The following DPP6 variants were observed in gnomAD, a reference collection of about 807,000 sequenced individuals.
DPP6 encodes the protein A-type potassium channel modulatory protein DPP6.
DPP6 carries 69 observed loss-of-function variants against 122.6 expected under a neutral mutation model. That is an observed-to-expected ratio of 0.56 (90% CI 0.46 to 0.69). The LOEUF (loss-of-function observed/expected upper bound fraction) is 0.69, where lower values mean the gene tolerates loss of function less well. Ranked by LOEUF, DPP6 falls within the 30% of genes least tolerant of loss-of-function variation. DPP6 has a pLI of 0.00. For synonymous variants in DPP6, 418 were observed against 433.1 expected (o/e 0.97, Z 0.43); for missense variants, 928 against 1,116.9 (o/e 0.83, Z 2.41).
intron 1 of DPP6, among the ~76,000 whole-genome samples, chr7:154,231,799 G>A (rs902665746): frequency 4.6e-5 from 7 of 152,186 alleles, no homozygotes; most frequent in African/African-American, 9.7e-5. Context: ...CCACCACTGC[G>A]GGCTTCCCCC....
At chr7:154,838,018 G>A (rs1051205297) in intron 16 of DPP6, among the ~76,000 whole-genome samples, 8 of 152,122 alleles carry the variant, frequency 5.3e-5, no homozygotes, top group African/African-American at 1.7e-4. Context: ...TAAAAACTGA[G>A]TAGGCAGCGT....
At chr7:154,344,887 C>G (rs1022749381) in intron 1 of DPP6, among the ~76,000 whole-genome samples, 1 of 152,018 alleles carries the variant, frequency 6.6e-6, no homozygotes, top group Admixed American at 6.6e-5. Flanking sequence ...AACTCCATCT[C>G]AACAAAAAAT....
intron 1 of DPP6, among the ~76,000 whole-genome samples, chr7:154,035,547 T>C (rs961349135): frequency 1.3e-5 from 2 of 152,084 alleles, no homozygotes; most frequent in African/African-American, 4.8e-5. Context: ...GTAATGGCAG[T>C]GGTAGAACCA....
At chr7:154,237,476 A>T (rs934056947) in intron 1 of DPP6, among the ~76,000 whole-genome samples, 1 of 152,158 alleles carries the variant, frequency 6.6e-6, no homozygotes, top group Admixed American at 6.5e-5. Context: ...CTGGGCCCCA[A>T]TGAGCTTAGA....
At chr7:154,815,414 C>A (rs898035360) in intron 16 of DPP6, among the ~76,000 whole-genome samples, 1 of 152,234 alleles carries the variant, frequency 6.6e-6, no homozygotes, top group Non-Finnish European at 1.5e-5. Context: ...AGCCACTGAA[C>A]AACAGAATCG....
At chr7:154,473,208 A>G (rs1214829534) in intron 2 of DPP6, among the ~76,000 whole-genome samples, 2 of 152,230 alleles carry the variant, frequency 1.3e-5, no homozygotes, top group East Asian at 1.9e-4. Flanking sequence ...TTATTAGATT[A>G]ATGTCTAGTA....
In DPP6 at chr7:154,585,426, A is replaced by G. The variant is rs1489992908; in HGVS notation, c.627+18510A>G. On this transcript the variant is annotated intron_variant, in intron 5 of 25. Coordinates refer to ENST00000377770, the MANE Select transcript of DPP6 (RefSeq NM_130797.4). Reference sequence around the variant, plus strand: ...GCCCACCCTTAGAAAGTCTGATGAGACAGAGAAGAATGACTTGCGAGGATC... The same window carrying G: ...GCCCACCCTTAGAAAGTCTGATGAGGCAGAGAAGAATGACTTGCGAGGATC... Among the ~76,000 whole-genome samples, 3 of 152,208 alleles carry G rather than the reference A, an allele frequency of 2.0e-5. No individual in the cohort carries two copies. In the East Asian group the frequency reaches 5.8e-4, roughly 29 times the overall value.
chr7:154,548,351 T>C (rs950370242), intron 4 of DPP6, among the ~76,000 whole-genome samples: 2 of 150,864 alleles, frequency 1.3e-5, no homozygotes. Context: ...GATCACAAGG[T>C]TTAGGAGCTT....
chr7:154,329,380 G>C (rs1008989430), intron 1 of DPP6, among the ~76,000 whole-genome samples: 2 of 152,204 alleles, frequency 1.3e-5, no homozygotes, highest in Non-Finnish European at 2.9e-5. Flanking sequence ...ATATCTGTTG[G>C]CTGCATAAAT....
intron 1 of DPP6, among the ~76,000 whole-genome samples, chr7:153,937,386 C>T (rs1009617091): frequency 1.3e-5 from 2 of 150,758 alleles, no homozygotes; most frequent in Non-Finnish European, 3.0e-5. Flanking sequence ...AGAAAGAACA[C>T]CTCCTTTCTT....
the DPP6 span, among the ~76,000 whole-genome samples, chr7:153,811,871 C>G: frequency 6.6e-6 from 1 of 152,092 alleles, no homozygotes; most frequent in Admixed American, 6.6e-5. Flanking sequence ...GATTTTATAG[C>G]ATCTTCCAGT....
At chr7:153,802,110 G>C in the DPP6 span, among the ~76,000 whole-genome samples, 2 of 152,146 alleles carry the variant, frequency 1.3e-5, no homozygotes, top group African/African-American at 2.4e-5. Flanking sequence ...AGAAAGTTTC[G>C]GTCAGGAGCA....
chr7:154,249,696 G>A (rs1802225351), intron 1 of DPP6, among the ~76,000 whole-genome samples: 1 of 152,084 alleles, frequency 6.6e-6, no homozygotes, highest in African/African-American at 2.4e-5. Flanking sequence ...TTGAGAATGT[G>A]TACAATGCCA....
intron 16 of DPP6, among the ~76,000 whole-genome samples, chr7:154,849,378 A>G (rs1293318128): frequency 6.6e-6 from 1 of 152,152 alleles, no homozygotes; most frequent in Non-Finnish European, 1.5e-5. Flanking sequence ...AGTATTCAGT[A>G]TACATATTTT....
chr7:154,349,791 C>T (rs1810699412), intron 1 of DPP6, among the ~76,000 whole-genome samples: 1 of 152,130 alleles, frequency 6.6e-6, no homozygotes, highest in African/African-American at 2.4e-5. Context: ...AAAGATTCTT[C>T]CTTCTCAGTA....
chr7:154,351,405 C>T (rs986339853), intron 1 of DPP6, among the ~76,000 whole-genome samples: 2 of 152,156 alleles, frequency 1.3e-5, no homozygotes, highest in Admixed American at 6.5e-5. Flanking sequence ...GCCTTGGTCT[C>T]CAGCTCAGAA....
intron 5 of DPP6, among the ~76,000 whole-genome samples, chr7:154,597,419 C>G (rs185721248): frequency 1.4e-3 from 213 of 152,028 alleles, no homozygotes; most frequent in Non-Finnish European, 2.4e-3. Context: ...CTGGCTAACA[C>G]AGTGAAACCC....
intron 1 of DPP6, among the ~76,000 whole-genome samples, chr7:153,934,712 C>T (rs1176961349): frequency 6.6e-6 from 1 of 152,164 alleles, no homozygotes; most frequent in South Asian, 2.1e-4. Context: ...GTTTCTAGGA[C>T]CACAGAGACA....
At chr7:153,940,233 A>G (rs1439719917) in intron 1 of DPP6, among the ~76,000 whole-genome samples, 1 of 152,202 alleles carries the variant, frequency 6.6e-6, no homozygotes, top group African/African-American at 2.4e-5. Context: ...TAGCCATGAC[A>G]GCACTTCCTT....
Sources: allele counts gnomAD v4.1 joint callset (sites outside exome capture counted in the v4.1 genomes callset), GRCh38; gene constraint gnomAD v4.1.1; transcripts MANE v1.5; gene names NCBI Gene and HGNC (gene_info 2026-07-23, HGNC 2026-07-21).